Variants in COA1 observed in about 807,000 individuals in gnomAD.
The protein encoded by COA1 is cytochrome c oxidase assembly factor 1.
A neutral mutation model predicts 16.0 loss-of-function variants in COA1; 13 were observed. The observed-to-expected ratio is 0.81, with a 90% CI of 0.53 to 1.29. COA1 has a LOEUF of 1.29. Ranked by LOEUF, COA1 falls within the 50% of genes most tolerant of loss-of-function variation. The probability of loss-of-function intolerance (pLI) is 0.00; values close to 1 mark genes in which losing one functional copy is unlikely to be tolerated. For synonymous variants in COA1, 65 were observed against 65.7 expected (o/e 0.99, Z 0.05); for missense variants, 179 against 177.0 (o/e 1.01, Z -0.06).
At chr7:43,668,553 T>C (rs113449308) in intron 1 of COA1, among the ~76,000 whole-genome samples, 1 of 152,254 alleles carries the variant, frequency 6.6e-6, no homozygotes, top group Non-Finnish European at 1.5e-5. Flanking sequence ...CATTTGTCAT[T>C]AAATCCTAGT....
At chr7:43,645,506 G>A (rs1035073770) in intron 3 of COA1, 107 bp from the exon 4 acceptor site, 18 of 981,440 alleles carry the variant, frequency 1.8e-5, no homozygotes, top group African/African-American at 6.5e-5. Context: ...AAACAGAAAC[G>A]TGAAATCTGT....
At chr7:43,660,654 A>C (rs2092328753) in intron 1 of COA1, among the ~76,000 whole-genome samples, 1 of 152,024 alleles carries the variant, frequency 6.6e-6, no homozygotes, top group African/African-American at 2.4e-5. Flanking sequence ...TCCTCACCTA[A>C]ATTACCCCCA....
At chr7:43,719,247 C>A (rs980194342) in intron 1 of COA1, among the ~76,000 whole-genome samples, 4 of 152,142 alleles carry the variant, frequency 2.6e-5, no homozygotes, top group Non-Finnish European at 5.9e-5. Context: ...GGATTATAGG[C>A]ATGAGCCACC....
Position 43,679,466 on chromosome 7 carries a change from C to CCA in COA1, c.-38-30816_-38-30815dup, listed in dbSNP as rs560166935. ...ACCAAGATAGAAATAAAGCTGAGGG[C>CCA]CACACAACAAGGGCCATCTAATCTG... On this transcript the variant is annotated intron_variant, in intron 1 of 5. Coordinates refer to ENST00000223336, the MANE Select transcript of COA1 (RefSeq NM_018224.4). Among the ~76,000 whole-genome samples, 361 of 152,038 alleles carry CCA rather than the reference C, an allele frequency of 2.4e-3. 1 individual carries two copies. Among genetic ancestry groups the CCA allele is most frequent in the Non-Finnish European group, 4.4e-3 (302 of 67,976 alleles).
At position 43,624,574 on chromosome 7, in the gene COA1, T is replaced by C. The variant is rs762577905; in HGVS notation, c.*133+14875A>G. ...CACCCCTGGTTGACACAGAGCAGTA[T>C]TCAAGAGCCTTCTTTCAGGATGGAA... On this transcript the variant is annotated intron_variant and NMD_transcript_variant, in intron 6 of 6. Transcript: ENST00000415076. 7 of 1,614,004 alleles carry C rather than the reference T, an allele frequency of 4.3e-6. No individual in the cohort carries two copies. The African/African-American group carries it at 9.3e-5, about 22-fold the overall frequency.
chr7:43,713,927 T>C (rs865840426), intron 1 of COA1, among the ~76,000 whole-genome samples: 2 of 152,046 alleles, frequency 1.3e-5, no homozygotes, highest in Non-Finnish European at 1.5e-5. Flanking sequence ...TAATCCCAGC[T>C]ACTCAAGAGG....
intron 1 of COA1, among the ~76,000 whole-genome samples, chr7:43,702,519 C>A (rs992043307): frequency 6.6e-6 from 1 of 152,068 alleles, no homozygotes; most frequent in Non-Finnish European, 1.5e-5. Flanking sequence ...AGTTTGAAGT[C>A]GGATAATATG....
At chr7:43,624,944 G>GT in intron 6 of COA1, 1 of 1,070,068 alleles carries the variant, frequency 9.3e-7, no homozygotes, top group Non-Finnish European at 1.3e-6. Flanking sequence ...TGGATAACCA[G>GT]TATCACTTAC....
At chr7:43,695,054 C>G (rs1168565507) in intron 1 of COA1, among the ~76,000 whole-genome samples, 1 of 152,084 alleles carries the variant, frequency 6.6e-6, no homozygotes, top group Non-Finnish European at 1.5e-5. Flanking sequence ...CTAGACTGAC[C>G]ACTTTTCGCC....
intron 1 of COA1, among the ~76,000 whole-genome samples, chr7:43,682,301 A>G (rs2093804690): frequency 6.6e-6 from 1 of 152,248 alleles, no homozygotes; most frequent in Admixed American, 6.5e-5. Context: ...CTGAGAAATT[A>G]TTGATCACTA....
At chr7:43,687,997 G>A (rs1461480558) in intron 1 of COA1, among the ~76,000 whole-genome samples, 2 of 152,172 alleles carry the variant, frequency 1.3e-5, no homozygotes, top group Non-Finnish European at 2.9e-5. Context: ...AGTCTCACGA[G>A]CTCTGATGGG....
intron 1 of COA1, among the ~76,000 whole-genome samples, chr7:43,728,441 C>T (rs150553375): frequency 5.3e-5 from 8 of 152,198 alleles, no homozygotes; most frequent in African/African-American, 1.9e-4. Context: ...AATGCTAGAA[C>T]AAAAATTAAA....
chr7:43,689,650 T>C (rs926852497), intron 1 of COA1, among the ~76,000 whole-genome samples: 8 of 152,228 alleles, frequency 5.3e-5, no homozygotes, highest in Non-Finnish European at 1.0e-4. Context: ...TTTCTCATTT[T>C]TAAGCTCTTT....
At chr7:43,687,256 C>A (rs770044771) in intron 1 of COA1, among the ~76,000 whole-genome samples, 4 of 152,168 alleles carry the variant, frequency 2.6e-5, no homozygotes, top group Admixed American at 6.5e-5. Context: ...TTGCCAACAT[C>A]TAGAGAAGAC....
intron 1 of COA1, among the ~76,000 whole-genome samples, chr7:43,725,058 G>A (rs928263602): frequency 1.3e-5 from 2 of 152,170 alleles, no homozygotes; most frequent in African/African-American, 4.8e-5. Flanking sequence ...GACCAACATG[G>A]AGAAACCCCG....
chr7:43,705,158 GT>G (rs1295011493), intron 1 of COA1, among the ~76,000 whole-genome samples: 1 of 152,178 alleles, frequency 6.6e-6, no homozygotes, highest in Non-Finnish European at 1.5e-5. Context: ...GCTCCTTGAG[GT>G]TAAGTACCTA....
chr7:43,645,539 ATCTAC>A, intron 3 of COA1, 140 bp from the exon 4 acceptor site: 4 of 728,350 alleles, frequency 5.5e-6, no homozygotes, highest in Non-Finnish European at 9.0e-6. Context: ...AATTAAGGCC[ATCTAC>A]TCTAAATTGT....
At position 43,647,581 on chromosome 7, in the gene COA1, A is replaced by G; in HGVS notation, c.69T>C (p.Gly23=). The G allele has an allele frequency of 6.2e-7, 1 of 1,614,084 alleles. No individual in the cohort carries two copies. The highest frequency in any genetic ancestry group is 1.1e-5 in the South Asian group (1 of 91,084). ...TGGCAAAGCCCCCGGCATAGAACACACCGTGGAAAAGGATCCTTGCTCCCA... is the reference window on the plus strand; with the variant it reads ...TGGCAAAGCCCCCGGCATAGAACACGCCGTGGAAAAGGATCCTTGCTCCCA... The part of the protein sequence containing the change: ...MPLGARILFH[G]VFYAGGFAIV... The change falls in exon 3 of 6, where the codon GGT becomes GGC. Residue 23 remains glycine, a synonymous_variant. Transcript: ENST00000223336.
At chr7:43,644,491 C>T (rs1049555171) in intron 4 of COA1, among the ~76,000 whole-genome samples, 7 of 151,718 alleles carry the variant, frequency 4.6e-5, no homozygotes, top group African/African-American at 7.3e-5. Flanking sequence ...GAGTTGGGTA[C>T]ATTTGAATGA....
Sources: gnomAD v4.1 joint callset for allele counts (sites outside exome capture counted in the v4.1 genomes callset) on GRCh38, gnomAD v4.1.1 for gene constraint, MANE v1.5 for transcripts, NCBI Gene and HGNC (gene_info 2026-07-23, HGNC 2026-07-21) for gene names.